KIF16B: variants seen among roughly 807,000 people sequenced by gnomAD.
KIF16B encodes kinesin family member 16B.
KIF16B carries 98 observed loss-of-function variants against 156.3 expected under a neutral mutation model. The observed-to-expected ratio is 0.63, with a 90% confidence interval of 0.53 to 0.74. The LOEUF (loss-of-function observed/expected upper bound fraction) is 0.74. Among genes scored for constraint, KIF16B ranks in the 30% least tolerant of loss-of-function variants. KIF16B has a pLI of 0.00. For synonymous variants in KIF16B, 564 were observed against 583.7 expected, an observed-to-expected ratio of 0.97 and a Z score of 0.49; for missense variants, 1,421 against 1,606.5, an observed-to-expected ratio of 0.88 and a Z score of 1.97.
chr20:16,364,458 T>C (rs1026987810), intron 22 of KIF16B, among the ~76,000 whole-genome samples: 1 of 152,244 alleles, frequency 6.6e-6, no homozygotes, highest in South Asian at 2.1e-4. Context: ...GATGTCGTTA[T>C]AGCAGGCTGA....
At chr20:16,362,678 C>T (rs2064573671) in intron 22 of KIF16B, among the ~76,000 whole-genome samples, 2 of 152,134 alleles carry the variant, frequency 1.3e-5, no homozygotes, top group African/African-American at 4.8e-5. Flanking sequence ...ATTTAAGTCC[C>T]AATTCTCAAC....
intron 17 of KIF16B, among the ~76,000 whole-genome samples, chr20:16,383,436 T>C (rs2065153487): frequency 6.6e-6 from 1 of 152,180 alleles, no homozygotes; most frequent in South Asian, 2.1e-4. Context: ...AATATTTCAT[T>C]GAAACCTGTT....
At chr20:16,506,235 C>T (rs1159244269) in intron 7 of KIF16B, 45 bp from the exon 8 acceptor site, 2 of 1,499,558 alleles carry the variant, frequency 1.3e-6, no homozygotes, top group Non-Finnish European at 1.9e-6. Context: ...GCAAAGGGCC[C>T]TGATGTTGTT....
chr20:16,449,357 C>T (rs890716306), intron 12 of KIF16B, among the ~76,000 whole-genome samples: 1 of 152,118 alleles, frequency 6.6e-6, no homozygotes, highest in Non-Finnish European at 1.5e-5. Context: ...AAATGTTACG[C>T]CAATGAAAGA....
chr20:16,448,690 A>C (rs1026292639), intron 12 of KIF16B, among the ~76,000 whole-genome samples: 1 of 152,240 alleles, frequency 6.6e-6, no homozygotes, highest in Non-Finnish European at 1.5e-5. Flanking sequence ...CAATTTAAGT[A>C]AGCAACAATA....
intron 17 of KIF16B, among the ~76,000 whole-genome samples, chr20:16,403,134 C>T (rs756496181): frequency 2.0e-5 from 3 of 152,178 alleles, no homozygotes; most frequent in Non-Finnish European, 2.9e-5. Context: ...AGGATAATAA[C>T]GATAGTACCT....
chr20:16,468,861 A>C (rs2067574418), intron 12 of KIF16B, among the ~76,000 whole-genome samples: 1 of 152,164 alleles, frequency 6.6e-6, no homozygotes, highest in South Asian at 2.1e-4. Flanking sequence ...ACACCTATAG[A>C]CTACTTCATC....
intron 25 of KIF16B, among the ~76,000 whole-genome samples, chr20:16,274,081 A>C (rs2063024347): frequency 1.3e-5 from 2 of 151,986 alleles, no homozygotes; most frequent in Admixed American, 1.3e-4. Flanking sequence ...TGATTAAAAA[A>C]AAAAAACAAA....
intron 24 of KIF16B, among the ~76,000 whole-genome samples, chr20:16,320,768 A>C (rs2063761705): frequency 6.6e-6 from 1 of 152,238 alleles, no homozygotes; most frequent in Non-Finnish European, 1.5e-5. Context: ...AATATAACTT[A>C]AAAAATTTGG....
rs567143405 is a variant in KIF16B at position 16,523,711 on chromosome 20, A to T, written c.231+2381T>A. 1.9e-4 allele frequency among the ~76,000 whole-genome samples: 29 copies of T among 152,306 alleles called. No homozygotes were observed. In the South Asian group the frequency reaches 5.8e-3, roughly 30 times the overall value. On this transcript the variant is annotated intron_variant, in intron 3 of 25. Coordinates refer to ENST00000354981, the MANE Select transcript of KIF16B (RefSeq NM_024704.5). ...TTAAATTTCATATGGAACCAAAAAA[A>T]CAGACTGTATAGCCAAGACAATCCT...
intron 1 of KIF16B, among the ~76,000 whole-genome samples, chr20:16,568,819 C>CAAAAA (rs57421025): frequency 7.2e-5 from 4 of 55,510 alleles, no homozygotes; most frequent in Non-Finnish European, 8.7e-5. Flanking sequence ...GACCCTGTCT[C>CAAAAA]AAAAAAAAAA....
chr20:16,519,418 T>C lies in KIF16B; in HGVS notation c.232-3754A>G, dbSNP rs1030604239. On this transcript the variant is annotated intron_variant, in intron 3 of 25. Coordinates refer to ENST00000354981, the MANE Select transcript of KIF16B (RefSeq NM_024704.5). ...TGCGCAACACTGCACCCAGCTCCTATTTTTCCCAGATGTTTGATTCAGTAT... is the reference window on the plus strand; with the variant it reads ...TGCGCAACACTGCACCCAGCTCCTACTTTTCCCAGATGTTTGATTCAGTAT... Among the ~76,000 whole-genome samples the C allele has an allele frequency of 2.6e-5, 4 of 152,184 alleles. No homozygotes were observed. In the East Asian group the frequency reaches 5.8e-4, roughly 22 times the overall value.
chr20:16,433,751 T>A (rs540254951), intron 12 of KIF16B, among the ~76,000 whole-genome samples: 89 of 152,342 alleles, frequency 5.8e-4, no homozygotes, highest in South Asian at 4.1e-3. Context: ...ACATTCAAGC[T>A]GCATTCAACT....
intron 1 of KIF16B, among the ~76,000 whole-genome samples, chr20:16,532,565 A>C (rs908807980): frequency 2.0e-5 from 3 of 152,206 alleles, no homozygotes; most frequent in African/African-American, 7.2e-5. Flanking sequence ...TACAGCATTC[A>C]ATTACCAAAG....
At chr20:16,470,117 T>A (rs1309309667) in intron 12 of KIF16B, among the ~76,000 whole-genome samples, 2 of 152,234 alleles carry the variant, frequency 1.3e-5, no homozygotes, top group African/African-American at 4.8e-5. Flanking sequence ...TCCACCTATA[T>A]GACATTTTAG....
At chr20:16,441,992 A>T (rs6111122) in intron 12 of KIF16B, among the ~76,000 whole-genome samples, 7,817 of 152,260 alleles carry the variant, frequency 0.051, 682 homozygotes, top group African/African-American at 0.18. Flanking sequence ...ACAGTCCTGC[A>T]TCACTTAACA....
At chr20:16,355,311 T>C (rs1293897297) in intron 23 of KIF16B, among the ~76,000 whole-genome samples, 1 of 152,152 alleles carries the variant, frequency 6.6e-6, no homozygotes, top group Non-Finnish European at 1.5e-5. Context: ...CCACATAAGA[T>C]ATTCTTTGAA....
intron 23 of KIF16B, among the ~76,000 whole-genome samples, chr20:16,352,794 G>A (rs1012702044): frequency 6.6e-5 from 10 of 152,202 alleles, no homozygotes; most frequent in African/African-American, 2.4e-4. Context: ...CACCCCTGGC[G>A]TGTTGTCTCC....
At chr20:16,568,110 C>T (rs1412256308) in intron 1 of KIF16B, among the ~76,000 whole-genome samples, 2 of 152,098 alleles carry the variant, frequency 1.3e-5, no homozygotes, top group African/African-American at 4.8e-5. Flanking sequence ...AAGAGGAAGA[C>T]GTCAGTACAC....
Sources: allele counts gnomAD v4.1 joint callset (sites outside exome capture counted in the v4.1 genomes callset), GRCh38; gene constraint gnomAD v4.1.1; transcripts MANE v1.5; gene names NCBI Gene and HGNC (gene_info 2026-07-23, HGNC 2026-07-21).